The following TRPM3 variants were observed in gnomAD, a reference collection of about 807,000 sequenced individuals.
TRPM3 encodes the protein long transient receptor potential channel 3.
TRPM3 carries 77 observed loss-of-function variants against 181.2 expected under a neutral mutation model. The ratio of observed to expected loss-of-function variants is 0.42; its 90% CI spans 0.35 to 0.51. TRPM3 has a LOEUF of 0.51. TRPM3 is among the 20% of genes least tolerant of loss of function. The probability of loss-of-function intolerance (pLI) is 0.01; values close to 1 mark genes in which losing one functional copy is unlikely to be tolerated. For synonymous variants in TRPM3, 745 were observed against 796.4 expected (o/e 0.94, Z 1.09); for missense variants, 1,759 against 2,196.7 (o/e 0.80, Z 3.98).
intron 1 of TRPM3, among the ~76,000 whole-genome samples, chr9:71,235,218 T>C (rs192715409): frequency 2.6e-5 from 4 of 152,388 alleles, no homozygotes; most frequent in African/African-American, 7.2e-5. Flanking sequence ...TTCAGGACTC[T>C]GCTCCATAAA....
intron 1 of TRPM3, among the ~76,000 whole-genome samples, chr9:71,312,066 G>C (rs1196250241): frequency 6.6e-6 from 1 of 152,044 alleles, no homozygotes; most frequent in East Asian, 1.9e-4. Context: ...TAATCTATAG[G>C]CTGGGATTCA....
chr9:71,137,573 T>G (rs952611305), intron 1 of TRPM3, among the ~76,000 whole-genome samples: 3 of 152,170 alleles, frequency 2.0e-5, no homozygotes, highest in Non-Finnish European at 4.4e-5. Flanking sequence ...TATCTTAATC[T>G]TTTTCCTGGA....
chr9:71,204,481 G>A lies in TRPM3; in HGVS notation c.183+242172C>T, dbSNP rs941932567. ...GAAAAATTGCTCACCATCACTGGCC[G>A]TCAGAGAAATGCAAATCAAAACCAC... is the stretch of plus-strand genomic sequence containing the variant. On this transcript the variant is annotated intron_variant, in intron 1 of 24. Coordinates refer to the TRPM3 transcript ENST00000357533. Among the ~76,000 whole-genome samples, 55 of 152,188 alleles carry A rather than the reference G, an allele frequency of 3.6e-4. No homozygotes were observed. In the East Asian group the frequency reaches 3.7e-3, roughly 10 times the overall value.
chr9:71,150,580 G>C (rs191663003), intron 1 of TRPM3, among the ~76,000 whole-genome samples: 149 of 152,146 alleles, frequency 9.8e-4, no homozygotes, highest in African/African-American at 3.5e-3. Flanking sequence ...CAAAAGCATA[G>C]AGAAAGAATA....
chr9:71,217,400 G>T (rs190842069), intron 1 of TRPM3, among the ~76,000 whole-genome samples: 2 of 152,140 alleles, frequency 1.3e-5, no homozygotes, highest in Non-Finnish European at 2.9e-5. Flanking sequence ...ACAGAGGTTG[G>T]GGGAAAAGGA....
At chr9:70,687,466 G>C (rs187005530) in intron 8 of TRPM3, among the ~76,000 whole-genome samples, 3 of 152,198 alleles carry the variant, frequency 2.0e-5, no homozygotes, top group Admixed American at 2.0e-4. Context: ...GTTTGCAACT[G>C]GGTAGTTGAT....
chr9:71,446,419 C>T (rs1459440650), intron 1 of TRPM3, among the ~76,000 whole-genome samples: 1 of 152,154 alleles, frequency 6.6e-6, no homozygotes, highest in African/African-American at 2.4e-5. Context: ...AACATGTTTT[C>T]AATTTTTGCA....
At chr9:70,683,195 T>A (rs934158399) in intron 8 of TRPM3, among the ~76,000 whole-genome samples, 1 of 152,096 alleles carries the variant, frequency 6.6e-6, no homozygotes, top group African/African-American at 2.4e-5. Flanking sequence ...AATTGCAAAT[T>A]GAAATGCCTT....
At chr9:70,596,135 A>G (rs1280584994) in intron 21 of TRPM3, among the ~76,000 whole-genome samples, 1 of 152,222 alleles carries the variant, frequency 6.6e-6, no homozygotes, top group East Asian at 1.9e-4. Flanking sequence ...GTCATTTAGT[A>G]TGTATTATTT....
At chr9:70,571,343 A>G (rs554228683) in intron 22 of TRPM3, among the ~76,000 whole-genome samples, 1 of 152,310 alleles carries the variant, frequency 6.6e-6, no homozygotes, top group Admixed American at 6.5e-5. Flanking sequence ...TGTTGTAAAG[A>G]TAAACGAGTT....
intron 1 of TRPM3, among the ~76,000 whole-genome samples, chr9:70,980,067 G>GCACACACACACA (rs10527749): frequency 0.054 from 7,474 of 137,908 alleles, 286 homozygotes; most frequent in Middle Eastern, 0.1. Flanking sequence ...GCATGTGCGT[G>GCACACACACACA]CACACACACA....
At chr9:71,133,644 G>C (rs967461429) in intron 1 of TRPM3, among the ~76,000 whole-genome samples, 3 of 152,086 alleles carry the variant, frequency 2.0e-5, no homozygotes, top group African/African-American at 4.8e-5. Flanking sequence ...ACTCATAAGA[G>C]TTCTTTTTAT....
intron 1 of TRPM3, among the ~76,000 whole-genome samples, chr9:71,288,586 T>C (rs1039282403): frequency 2.0e-5 from 3 of 152,050 alleles, no homozygotes; most frequent in African/African-American, 7.2e-5. Flanking sequence ...CTAAAAATGG[T>C]GGAACTTTTT....
In TRPM3 at chr9:70,658,751, T is replaced by G. The variant is rs186626977; in HGVS notation, c.1346-18091A>C. Among the ~76,000 whole-genome samples the G allele has an allele frequency of 1.2e-3, 180 of 152,118 alleles. 1 individual carries two copies. Among genetic ancestry groups the G allele is most frequent in the African/African-American group, 4.1e-3 (170 of 41,522 alleles). ...TCAGCTATAAAACTCTAACAGGTGC[T>G]TCTGAACACAGGTTTCTGATAACTT... On this transcript the variant is annotated intron_variant, in intron 9 of 25. Transcript: ENST00000677713.
chr9:71,214,204 G>A (rs2079698672), intron 1 of TRPM3, among the ~76,000 whole-genome samples: 1 of 152,118 alleles, frequency 6.6e-6, no homozygotes, highest in Non-Finnish European at 1.5e-5. Flanking sequence ...AGAATGAGAA[G>A]ACTGAAAGGG....
At chr9:71,392,185 T>C (rs2093077635) in intron 1 of TRPM3, among the ~76,000 whole-genome samples, 1 of 152,098 alleles carries the variant, frequency 6.6e-6, no homozygotes, top group Non-Finnish European at 1.5e-5. Flanking sequence ...CATTCAAATT[T>C]AATTTAAAAA....
intron 8 of TRPM3, among the ~76,000 whole-genome samples, chr9:70,757,667 G>A (rs1233997423): frequency 3.3e-5 from 5 of 152,072 alleles, no homozygotes; most frequent in Admixed American, 6.6e-5. Flanking sequence ...TCCCTGGTCT[G>A]GTTCAACATA....
At chr9:71,088,674 G>A (rs1229658763) in intron 1 of TRPM3, among the ~76,000 whole-genome samples, 1 of 151,994 alleles carries the variant, frequency 6.6e-6, no homozygotes, top group East Asian at 1.9e-4. Context: ...AGCGTAATGA[G>A]GTTTCCTCAT....
chr9:70,868,935 A>G, intron 1 of TRPM3: 1 of 950,674 alleles, frequency 1.1e-6, no homozygotes, highest in Non-Finnish European at 1.3e-6. Flanking sequence ...AGGTCCCCAG[A>G]TCCAATATTG....
Sources: gnomAD v4.1 joint callset for allele counts (sites outside exome capture counted in the v4.1 genomes callset) on GRCh38, gnomAD v4.1.1 for gene constraint, MANE v1.5 for transcripts, NCBI Gene and HGNC (gene_info 2026-07-23, HGNC 2026-07-21) for gene names.